The following ERC1 variants were observed in gnomAD, a reference collection of about 807,000 sequenced individuals.
ERC1 encodes RAB6 interacting protein 2.
In ERC1, 56 loss-of-function variants were observed where a neutral mutation model predicts 132.0. That is an observed-to-expected ratio of 0.42 (90% CI 0.34 to 0.53). The LOEUF is 0.53. ERC1 is among the 20% of genes least tolerant of loss of function. The pLI is 0.03. For missense variants in ERC1, 1,202 were observed against 1,349.9 expected, an observed-to-expected ratio of 0.89 and a Z score of 1.72; for synonymous variants, 478 against 476.1, an observed-to-expected ratio of 1.00 and a Z score of -0.05.
At chr12:1,057,111 G>A (rs887731541) in intron 2 of ERC1, among the ~76,000 whole-genome samples, 2 of 152,064 alleles carry the variant, frequency 1.3e-5, no homozygotes, top group Admixed American at 6.6e-5. Flanking sequence ...TGGATCATAT[G>A]CTTGTTTTAT....
intron 7 of ERC1, among the ~76,000 whole-genome samples, chr12:1,131,397 T>G (rs910576715): frequency 2.0e-5 from 3 of 152,238 alleles, no homozygotes; most frequent in African/African-American, 7.2e-5. Flanking sequence ...TTATTACTAC[T>G]AATTTGCCTT....
chr12:1,300,237 A>G (rs1219770856), intron 15 of ERC1, among the ~76,000 whole-genome samples: 2 of 152,322 alleles, frequency 1.3e-5, no homozygotes, highest in Non-Finnish European at 2.9e-5. Flanking sequence ...TATTCAATAA[A>G]TGGTCCTGGG....
At chr12:1,266,782 T>C (rs2077512784) in intron 14 of ERC1, among the ~76,000 whole-genome samples, 1 of 152,238 alleles carries the variant, frequency 6.6e-6, no homozygotes, top group African/African-American at 2.4e-5. Flanking sequence ...AATCTACAAA[T>C]GTTCTTTTGA....
intron 1 of ERC1, among the ~76,000 whole-genome samples, chr12:1,002,357 G>A (rs1285014584): frequency 8.3e-6 from 1 of 119,992 alleles, no homozygotes; most frequent in African/African-American, 3.0e-5. Context: ...TTTTTTTTTT[G>A]GTACTTTTTT....
At chr12:996,271 T>TA (rs1374516880) in intron 1 of ERC1, among the ~76,000 whole-genome samples, 1 of 142,940 alleles carries the variant, frequency 7.0e-6, no homozygotes, top group African/African-American at 2.6e-5. Context: ...TTTTTTTTTT[T>TA]TTTTGTATTT....
chr12:1,482,431 G>C (rs2094111244), intron 18 of ERC1, among the ~76,000 whole-genome samples: 1 of 151,470 alleles, frequency 6.6e-6, no homozygotes, highest in Non-Finnish European at 1.5e-5. Flanking sequence ...ATTTTTTAAA[G>C]AGTTTTTTTG....
chr12:1,221,842 GTGTA>G (rs533760383), intron 12 of ERC1, among the ~76,000 whole-genome samples: 8 of 152,200 alleles, frequency 5.3e-5, no homozygotes, highest in South Asian at 2.1e-4. Context: ...GAGAGAGTGT[GTGTA>G]TGTGTGTGCA....
At chr12:1,228,529 G>T (rs1193766427) in intron 12 of ERC1, among the ~76,000 whole-genome samples, 1 of 152,134 alleles carries the variant, frequency 6.6e-6, no homozygotes, top group Non-Finnish European at 1.5e-5. Flanking sequence ...GTGCCATTTA[G>T]TTCTTTTTCT....
intron 2 of ERC1, among the ~76,000 whole-genome samples, chr12:1,061,911 T>C (rs561997597): frequency 2.4e-4 from 36 of 152,126 alleles, no homozygotes; most frequent in African/African-American, 8.7e-4. Flanking sequence ...TATTTATTGC[T>C]GTAAACCCCC....
chr12:1,403,189 C>G (rs937236568), intron 16 of ERC1, among the ~76,000 whole-genome samples: 1 of 152,202 alleles, frequency 6.6e-6, no homozygotes, highest in Non-Finnish European at 1.5e-5. Context: ...CAGCAAGTTT[C>G]TTCCTTCTTC....
chr12:1,032,342 C>T (rs989460435), intron 2 of ERC1, among the ~76,000 whole-genome samples: 1 of 152,206 alleles, frequency 6.6e-6, no homozygotes, highest in Non-Finnish European at 1.5e-5. Context: ...AGCCACTGCG[C>T]CGGGTGTAAA....
At chr12:1,339,202 C>T (rs1216194597) in intron 15 of ERC1, among the ~76,000 whole-genome samples, 5 of 144,350 alleles carry the variant, frequency 3.5e-5, no homozygotes, top group African/African-American at 1.0e-4. Context: ...CCCATGTAGG[C>T]ATTCACTGCA....
At chr12:1,271,083 C>T (rs1050652719) in intron 14 of ERC1, among the ~76,000 whole-genome samples, 42 of 151,854 alleles carry the variant, frequency 2.8e-4, no homozygotes, top group Admixed American at 1.4e-3. Flanking sequence ...AAATTTTCGA[C>T]GTAAAACATT....
chr12:1,343,713 G>A lies in ERC1; in HGVS notation c.2781-28120G>A, dbSNP rs544997896. On this transcript the variant is annotated intron_variant, in intron 15 of 18. Coordinates refer to ENST00000360905, the MANE Select transcript of ERC1 (RefSeq NM_178040.4). ...TGCTTTTTCATTCTTCATATTACTA[G>A]GAAAGATTAAACACATCATATAATG... Among the ~76,000 whole-genome samples the A allele has an allele frequency of 3.6e-3, 546 of 151,998 alleles. 2 individuals carry two copies. Among genetic ancestry groups the A allele is most frequent in the Middle Eastern group, 0.02 (6 of 294 alleles).
At chr12:1,153,404 G>A (rs767375031) in intron 8 of ERC1, among the ~76,000 whole-genome samples, 6 of 152,358 alleles carry the variant, frequency 3.9e-5, no homozygotes, top group Admixed American at 3.3e-4. Flanking sequence ...AGACTTATAC[G>A]TGTTTAACTG....
chr12:1,440,601 TGTGTGTGTGTGTGTGTGTGTGTGTGTGTG>T (rs2093114976), intron 17 of ERC1, among the ~76,000 whole-genome samples: 1 of 12,378 alleles, frequency 8.1e-5, no homozygotes, highest in African/African-American at 1.9e-4. Flanking sequence ...CTCAGCCTTT[TGTGTGTGTGTGTGTGTGTGTGTGTGTGTG>T]TGTGTGTGTG....
At chr12:1,461,514 A>G (rs2093644253) in intron 18 of ERC1, among the ~76,000 whole-genome samples, 1 of 152,080 alleles carries the variant, frequency 6.6e-6, no homozygotes. Flanking sequence ...CTAAAAGTAC[A>G]AAAATTAACC....
At chr12:1,039,029 C>T (rs1199458262) in intron 2 of ERC1, among the ~76,000 whole-genome samples, 5 of 151,778 alleles carry the variant, frequency 3.3e-5, no homozygotes, top group Non-Finnish European at 5.9e-5. Context: ...AATAGTGAGA[C>T]CCCATCTCTT....
intron 12 of ERC1, among the ~76,000 whole-genome samples, chr12:1,219,528 T>A (rs1958760467): frequency 6.6e-6 from 1 of 152,192 alleles, no homozygotes; most frequent in Admixed American, 6.5e-5. Context: ...ATTCTCTCTA[T>A]GAACCATTAT....
Sources: allele counts gnomAD v4.1 joint callset (sites outside exome capture counted in the v4.1 genomes callset), GRCh38; gene constraint gnomAD v4.1.1; transcripts MANE v1.5; gene names NCBI Gene and HGNC (gene_info 2026-07-23, HGNC 2026-07-21).